The following PRKCQ variants were observed in gnomAD, a reference collection of about 807,000 sequenced individuals.
PRKCQ encodes the protein protein kinase C theta type.
Under a neutral mutation model 91.2 loss-of-function variants are expected in PRKCQ, and 41 were observed. That is an observed-to-expected ratio of 0.45 (90% CI 0.35 to 0.58). PRKCQ has a LOEUF of 0.58. Among genes scored for constraint, PRKCQ ranks in the 20% least tolerant of loss-of-function variants. The pLI is 0.00. For synonymous variants in PRKCQ, 307 were observed against 316.9 expected (o/e 0.97, Z 0.33); for missense variants, 673 against 896.5 (o/e 0.75, Z 3.18).
intron 4 of PRKCQ, among the ~76,000 whole-genome samples, chr10:6,502,026 G>A (rs1469357313): frequency 6.6e-6 from 1 of 152,170 alleles, no homozygotes; most frequent in Admixed American, 6.5e-5. Flanking sequence ...GGTGAGTCCA[G>A]CTGAACAGTT....
At chr10:6,539,685 C>A (rs536940352) in intron 1 of PRKCQ, among the ~76,000 whole-genome samples, 3 of 152,136 alleles carry the variant, frequency 2.0e-5, no homozygotes, top group Non-Finnish European at 4.4e-5. Flanking sequence ...CCATTCCCCA[C>A]CCCAGTCTGT....
At chr10:6,555,554 G>A (rs139571656) in intron 1 of PRKCQ, among the ~76,000 whole-genome samples, 5 of 152,302 alleles carry the variant, frequency 3.3e-5, no homozygotes, top group South Asian at 2.1e-4. Flanking sequence ...TTGTGTATGC[G>A]TATGATAAAG....
chr10:6,536,677 G>A (rs1383062383), intron 1 of PRKCQ, among the ~76,000 whole-genome samples: 1 of 152,152 alleles, frequency 6.6e-6, no homozygotes, highest in Non-Finnish European at 1.5e-5. Flanking sequence ...GTATCCAAAT[G>A]GGGTACTGGG....
the PRKCQ span, among the ~76,000 whole-genome samples, chr10:6,398,438 T>C: frequency 2.0e-5 from 3 of 152,236 alleles, no homozygotes; most frequent in South Asian, 6.2e-4. Context: ...CATAAGTTAG[T>C]CAATATTCTT....
chr10:6,546,662 T>A (rs1450210446), intron 1 of PRKCQ, among the ~76,000 whole-genome samples: 2 of 152,216 alleles, frequency 1.3e-5, no homozygotes, highest in East Asian at 3.8e-4. Flanking sequence ...AGATATACAG[T>A]CATGTCGTCT....
At chr10:6,456,984 G>T (rs1835041513) in intron 14 of PRKCQ, among the ~76,000 whole-genome samples, 172 bp from the exon 15 acceptor site, 1 of 152,180 alleles carries the variant, frequency 6.6e-6, no homozygotes, top group African/African-American at 2.4e-5. Flanking sequence ...AGCAGATTCT[G>T]CAAGGGCACG....
rs201220131 is a variant in PRKCQ at position 6,553,497 on chromosome 10, A to ATAAAAAAAT, written c.-10+26713_-10+26714insATTTTTTTA. On this transcript the variant is annotated intron_variant, in intron 1 of 17. Transcript: ENST00000263125. ...AGAGCAAGACCCTGTCTCAAAAAAAAAAAAAAAAAAAAAAAAAAAACAAAC... is the reference window on the plus strand; with the variant it reads ...AGAGCAAGACCCTGTCTCAAAAAAAATAAAAAAATAAAAAAAAAAAAAAAAAAAACAAAC... Among the ~76,000 whole-genome samples, 147 of 128,570 alleles carry ATAAAAAAAT rather than the reference A, an allele frequency of 1.1e-3. 3 individuals are homozygous for ATAAAAAAAT. In the South Asian group the frequency reaches 0.016, roughly 14 times the overall value. 84.3% of individuals were successfully genotyped at this position (128,570 alleles called of 152,430 possible).
At chr10:6,517,122 C>G (rs1838795169) in intron 1 of PRKCQ, among the ~76,000 whole-genome samples, 1 of 152,106 alleles carries the variant, frequency 6.6e-6, no homozygotes, top group Non-Finnish European at 1.5e-5. Flanking sequence ...GAACCGCAAG[C>G]TCAGGTGTGA....
intron 3 of PRKCQ, among the ~76,000 whole-genome samples, 157 bp from the exon 4 acceptor site, chr10:6,507,653 T>C (rs911532512): frequency 6.6e-6 from 1 of 152,248 alleles, no homozygotes; most frequent in African/African-American, 2.4e-5. Flanking sequence ...CAGACGACTG[T>C]AGCAACCGTG....
intron 8 of PRKCQ, among the ~76,000 whole-genome samples, chr10:6,488,893 C>T (rs1837096521): frequency 6.6e-6 from 1 of 152,082 alleles, no homozygotes; most frequent in South Asian, 2.1e-4. Flanking sequence ...CATCCTCTTG[C>T]CTCAGCCTCT....
intron 1 of PRKCQ, among the ~76,000 whole-genome samples, chr10:6,525,565 T>C (rs1839169400): frequency 6.6e-6 from 1 of 152,264 alleles, no homozygotes; most frequent in Non-Finnish European, 1.5e-5. Flanking sequence ...TTCAGGCAAC[T>C]GCCTTACAAC....
At chr10:6,478,841 G>T in intron 12 of PRKCQ, 151 bp downstream of exon 12, 1 of 794,738 alleles carries the variant, frequency 1.3e-6, no homozygotes, top group Non-Finnish European at 2.0e-6. Context: ...TCCATGGTGT[G>T]TAGAAGGGAT....
Position 6,462,359 on chromosome 10 carries a change from A to G in PRKCQ, c.1452T>C (p.Tyr484=). 6.2e-7 allele frequency: 1 copy of G among 1,614,002 alleles called. No homozygotes were observed. Among genetic ancestry groups the G allele is most frequent in the East Asian group, 2.2e-5 (1 of 44,878 alleles). Residue 484 remains tyrosine (Y), a synonymous_variant, in exon 14 of 18, where the codon TAT becomes TAC. Coordinates refer to ENST00000263125, the MANE Select transcript of PRKCQ (RefSeq NM_006257.5). Reference sequence around the variant, plus strand: ...GCAGACCAAGAATGATTTCAGCAGCATAAAACCTGGGGGAAGGAGAACCAA... The same window carrying G: ...GCAGACCAAGAATGATTTCAGCAGCGTAAAACCTGGGGGAAGGAGAACCAA... ...HKFDLSRATF[Y]AAEIILGLQF...
intron 1 of PRKCQ, among the ~76,000 whole-genome samples, chr10:6,578,100 C>G (rs999713728): frequency 6.6e-6 from 1 of 152,162 alleles, no homozygotes; most frequent in Non-Finnish European, 1.5e-5. Context: ...CTGGCGTTAA[C>G]AAGAGACAGA....
At chr10:6,406,312 A>C in the PRKCQ span, among the ~76,000 whole-genome samples, 2 of 151,604 alleles carry the variant, frequency 1.3e-5, no homozygotes, top group Non-Finnish European at 2.9e-5. Flanking sequence ...AAATAATCAA[A>C]CTACTTTTTT....
intron 13 of PRKCQ, among the ~76,000 whole-genome samples, chr10:6,463,686 C>T (rs1242581919): frequency 6.6e-6 from 1 of 152,178 alleles, no homozygotes; most frequent in African/African-American, 2.4e-5. Flanking sequence ...CTAGCATGTA[C>T]TCATCATTTT....
chr10:6,501,551 G>A (rs962028802), intron 4 of PRKCQ, among the ~76,000 whole-genome samples: 2 of 151,998 alleles, frequency 1.3e-5, no homozygotes, highest in Non-Finnish European at 2.9e-5. Context: ...GCTGGGCGTG[G>A]TAGCTTACAA....
chr10:6,466,008 C>CA (rs1835631200), intron 12 of PRKCQ, among the ~76,000 whole-genome samples: 1 of 152,246 alleles, frequency 6.6e-6, no homozygotes, highest in Non-Finnish European at 1.5e-5. Context: ...ATCAGCACCA[C>CA]AGAAAGAGCT....
At chr10:6,554,345 T>C (rs17137922) in intron 1 of PRKCQ, among the ~76,000 whole-genome samples, 2,808 of 152,144 alleles carry the variant, frequency 0.018, 73 homozygotes, top group African/African-American at 0.065. Flanking sequence ...GGAATTAAAG[T>C]GTGGTTGGAA....
Sources: gnomAD v4.1 joint callset for allele counts (sites outside exome capture counted in the v4.1 genomes callset) on GRCh38, gnomAD v4.1.1 for gene constraint, MANE v1.5 for transcripts, NCBI Gene and HGNC (gene_info 2026-07-23, HGNC 2026-07-21) for gene names.